Variants in PRKACB observed in about 807,000 individuals in gnomAD.
PRKACB encodes the protein protein kinase cAMP-activated catalytic subunit beta.
A neutral mutation model predicts 51.4 loss-of-function variants in PRKACB; 16 were observed. The ratio of observed to expected loss-of-function variants is 0.31; its 90% CI spans 0.21 to 0.47. The LOEUF (loss-of-function observed/expected upper bound fraction) is 0.47, where lower values mean the gene tolerates loss of function less well. Among genes scored for constraint, PRKACB ranks in the 20% least tolerant of loss-of-function variants. The pLI is 1.00. For missense variants in PRKACB, 309 were observed against 464.5 expected (o/e 0.67, Z 3.08); for synonymous variants, 147 against 154.4 (o/e 0.95, Z 0.35).
At chr1:84,210,089 T>G (rs1250651089) in intron 8 of PRKACB, among the ~76,000 whole-genome samples, 1 of 152,150 alleles carries the variant, frequency 6.6e-6, no homozygotes, top group African/African-American at 2.4e-5. Context: ...AAAACTTTTT[T>G]TAAGTATCAC....
intron 3 of PRKACB, among the ~76,000 whole-genome samples, chr1:84,183,596 C>G (rs1328088714): frequency 6.6e-6 from 1 of 151,584 alleles, no homozygotes; most frequent in Non-Finnish European, 1.5e-5. Flanking sequence ...CTACTTATTG[C>G]AGAGATTTGA....
chr1:84,170,865 T>C (rs893824303), intron 1 of PRKACB, among the ~76,000 whole-genome samples: 1 of 151,606 alleles, frequency 6.6e-6, no homozygotes, highest in Non-Finnish European at 1.5e-5. Flanking sequence ...TAGGAGAAAT[T>C]TTATAGATAT....
rs143044248 is a variant in PRKACB, at chr1:84,137,660, C to T, written c.47-41517C>T. On this transcript the variant is annotated intron_variant, in intron 1 of 8. Coordinates refer to the PRKACB transcript ENST00000370688. ...AGTTACCTTGAAAATAAGTGGAGTCCGTAAGACTGGAGGCAAAAGAGTACT... is the reference window on the plus strand; with the variant it reads ...AGTTACCTTGAAAATAAGTGGAGTCTGTAAGACTGGAGGCAAAAGAGTACT... 3.4e-3 allele frequency among the ~76,000 whole-genome samples: 512 copies of T among 152,130 alleles called. 3 individuals are homozygous for T. The highest frequency in any genetic ancestry group is 8.0e-3 in the Admixed American group (123 of 15,280).
At chr1:84,134,030 G>T (rs2100563523) in intron 1 of PRKACB, among the ~76,000 whole-genome samples, 1 of 152,296 alleles carries the variant, frequency 6.6e-6, no homozygotes, top group Admixed American at 6.5e-5. Flanking sequence ...CAGCGGGAAA[G>T]GGAGCTGGAA....
Position 84,235,462 on chromosome 1 carries a change from G to T in PRKACB, c.*157G>T. 1 of 897,046 alleles carries T rather than the reference G, an allele frequency of 1.1e-6. No individual in the cohort carries two copies. The allele number at this position is 897,046 out of a possible 1,614,324, so 55.6% of individuals were successfully genotyped here. On this transcript the variant is annotated 3_prime_UTR_variant, in exon 10 of 10. Coordinates refer to ENST00000370685, the MANE Select transcript of PRKACB (RefSeq NM_182948.4). Reference sequence around the variant, plus strand: ...TGCCATCATCCCGTGTGCGCACTCTGCATCCACCTATGTAACAAGGCACCG... The same window carrying T: ...TGCCATCATCCCGTGTGCGCACTCTTCATCCACCTATGTAACAAGGCACCG...
intron 1 of PRKACB, among the ~76,000 whole-genome samples, chr1:84,089,962 A>G (rs910621481): frequency 1.3e-5 from 2 of 152,102 alleles, no homozygotes; most frequent in African/African-American, 4.8e-5. Flanking sequence ...CTCTTTATCA[A>G]ATCTCTCTAA....
intron 3 of PRKACB, among the ~76,000 whole-genome samples, chr1:84,182,869 T>C (rs1260335774): frequency 6.6e-6 from 1 of 152,046 alleles, no homozygotes. Flanking sequence ...ATGGACTAAT[T>C]TGTTTTGTAA....
chr1:84,158,196 C>A (rs1041659044), intron 1 of PRKACB, among the ~76,000 whole-genome samples: 11 of 152,160 alleles, frequency 7.2e-5, no homozygotes, highest in African/African-American at 2.6e-4. Flanking sequence ...CGCCATCACT[C>A]CCGGCTAATC....
At chr1:84,183,756 A>G (rs560006663) in intron 3 of PRKACB, among the ~76,000 whole-genome samples, 2 of 151,826 alleles carry the variant, frequency 1.3e-5, no homozygotes, top group Non-Finnish European at 2.9e-5. Context: ...TCTTATTCCT[A>G]CTTAGCTCTC....
chr1:84,135,317 C>A (rs916807227), intron 1 of PRKACB, among the ~76,000 whole-genome samples: 8 of 152,148 alleles, frequency 5.3e-5, no homozygotes, highest in Admixed American at 5.2e-4. Context: ...ACAGCCAACT[C>A]CACTATTATA....
At chr1:84,124,657 A>T (rs1379189420) in intron 1 of PRKACB, among the ~76,000 whole-genome samples, 3 of 152,198 alleles carry the variant, frequency 2.0e-5, no homozygotes, top group Non-Finnish European at 4.4e-5. Context: ...TTGCCCTATC[A>T]GTGCTCTTGA....
chr1:84,228,824 G>A (rs1192129028), intron 9 of PRKACB, among the ~76,000 whole-genome samples: 5 of 151,978 alleles, frequency 3.3e-5, no homozygotes, highest in Non-Finnish European at 7.4e-5. Flanking sequence ...AAGAGGGATA[G>A]GAAAAGATAA....
chr1:84,144,255 A>T, upstream of PRKACB: 1 of 1,515,248 alleles, frequency 6.6e-7, no homozygotes, highest in Non-Finnish European at 8.8e-7. Flanking sequence ...AATACCCTGC[A>T]AACAGGAAGT....
intron 1 of PRKACB, among the ~76,000 whole-genome samples, chr1:84,175,568 T>C (rs1660946591): frequency 6.6e-6 from 1 of 151,794 alleles, no homozygotes; most frequent in Non-Finnish European, 1.5e-5. Flanking sequence ...GGGATGAAGT[T>C]ATGCTGTGCC....
At chr1:84,186,750 G>A (rs1249054597) in intron 5 of PRKACB, among the ~76,000 whole-genome samples, 1 of 152,138 alleles carries the variant, frequency 6.6e-6, no homozygotes, top group Non-Finnish European at 1.5e-5. Context: ...TCCCACATAT[G>A]AGAGAAGTTA....
chr1:84,141,146 AATC>A (rs1433223993), upstream of PRKACB, among the ~76,000 whole-genome samples: 1 of 152,104 alleles, frequency 6.6e-6, no homozygotes, highest in African/African-American at 2.4e-5. Flanking sequence ...GGAGGAATAA[AATC>A]AACCTCATGA....
chr1:84,232,413 G>C (rs1450073767), intron 9 of PRKACB, among the ~76,000 whole-genome samples: 1 of 152,212 alleles, frequency 6.6e-6, no homozygotes, highest in Non-Finnish European at 1.5e-5. Context: ...TTGGGGTAGA[G>C]AGTTCTGTAG....
chr1:84,078,834 C>T (rs1647298276), intron 1 of PRKACB, among the ~76,000 whole-genome samples: 1 of 152,148 alleles, frequency 6.6e-6, no homozygotes, highest in African/African-American at 2.4e-5. Flanking sequence ...TAGTCTGGCT[C>T]TACGCAAGTG....
At chr1:84,097,466 TG>T (rs1649012663) in intron 1 of PRKACB, among the ~76,000 whole-genome samples, 1 of 152,052 alleles carries the variant, frequency 6.6e-6, no homozygotes, top group Non-Finnish European at 1.5e-5. Context: ...TTTTGGTGTG[TG>T]TATTAATAAG....
Sources: gnomAD v4.1 joint callset for allele counts (sites outside exome capture counted in the v4.1 genomes callset) on GRCh38, gnomAD v4.1.1 for gene constraint, MANE v1.5 for transcripts, NCBI Gene and HGNC (gene_info 2026-07-23, HGNC 2026-07-21) for gene names.